Variants in RALGPS2 observed in about 807,000 individuals in gnomAD.
RALGPS2 encodes the protein Ral GEF with PH domain and SH3 binding motif 2.
A neutral mutation model predicts 86.8 loss-of-function variants in RALGPS2; 43 were observed. The observed-to-expected ratio is 0.50, with a 90% CI of 0.39 to 0.64. The LOEUF is 0.64. Among genes scored for constraint, RALGPS2 ranks in the 30% least tolerant of loss-of-function variants. The probability of loss-of-function intolerance (pLI) is 0.00; values close to 1 mark genes in which losing one functional copy is unlikely to be tolerated. For synonymous variants in RALGPS2, 243 were observed against 231.3 expected (o/e 1.05, Z -0.46); for missense variants, 536 against 694.6 (o/e 0.77, Z 2.57).
intron 6 of RALGPS2, among the ~76,000 whole-genome samples, chr1:178,812,577 A>G (rs1655032946): frequency 6.6e-6 from 1 of 152,182 alleles, no homozygotes; most frequent in Non-Finnish European, 1.5e-5. Context: ...CTGAATAGCT[A>G]TCTCAAAATA....
chr1:178,832,573 A>G (rs1656079252), intron 7 of RALGPS2, among the ~76,000 whole-genome samples: 1 of 152,120 alleles, frequency 6.6e-6, no homozygotes, highest in Non-Finnish European at 1.5e-5. Flanking sequence ...CTCATAGGAA[A>G]ATTAGGTGAG....
At chr1:178,853,835 G>T in intron 8 of RALGPS2, 1 of 1,429,524 alleles carries the variant, frequency 7.0e-7, no homozygotes, top group East Asian at 2.5e-5. Flanking sequence ...TATGAGAAGA[G>T]ACATGTTAAA....
intron 4 of RALGPS2, among the ~76,000 whole-genome samples, chr1:178,800,013 AAG>A (rs1255058240): frequency 3.9e-5 from 6 of 152,214 alleles, no homozygotes; most frequent in Non-Finnish European, 5.9e-5. Flanking sequence ...TTAGGGAGCT[AAG>A]AGTTTCAAGA....
At chr1:178,843,033 G>A (rs1260128334) in intron 8 of RALGPS2, among the ~76,000 whole-genome samples, 1 of 149,578 alleles carries the variant, frequency 6.7e-6, no homozygotes, top group Non-Finnish European at 1.5e-5. Flanking sequence ...GGAGAAATAG[G>A]AACAGTTTTA....
At chr1:178,892,120 T>C in intron 14 of RALGPS2, 110 bp from the exon 15 acceptor site, 2 of 1,009,354 alleles carry the variant, frequency 2.0e-6, no homozygotes, top group Non-Finnish European at 2.9e-6. Context: ...TTTTGTAAGA[T>C]TTAGAAAGCT....
At chr1:178,907,008 A>G in intron 19 of RALGPS2, 141 bp downstream of exon 19, 1 of 743,848 alleles carries the variant, frequency 1.3e-6, no homozygotes, top group Non-Finnish European at 2.2e-6. Context: ...AGTTAATAAG[A>G]TATGAAGGTC....
At chr1:178,844,131 C>T (rs1484249253) in intron 8 of RALGPS2, among the ~76,000 whole-genome samples, 2 of 152,102 alleles carry the variant, frequency 1.3e-5, no homozygotes, top group African/African-American at 4.8e-5. Flanking sequence ...ACTCATTATG[C>T]AAATTGGTAG....
intron 1 of RALGPS2, among the ~76,000 whole-genome samples, chr1:178,762,888 G>A (rs1397586803): frequency 6.6e-6 from 1 of 152,040 alleles, no homozygotes; most frequent in Non-Finnish European, 1.5e-5. Flanking sequence ...AGTTGCTTTT[G>A]GAGTCTTTGT....
At chr1:178,767,076 C>A (rs955567708) in intron 1 of RALGPS2, among the ~76,000 whole-genome samples, 11 of 152,118 alleles carry the variant, frequency 7.2e-5, no homozygotes, top group African/African-American at 2.7e-4. Flanking sequence ...TTGGTTCTTT[C>A]TTAAAATGAC....
intron 6 of RALGPS2, among the ~76,000 whole-genome samples, chr1:178,816,546 T>C (rs1200921873): frequency 6.6e-6 from 1 of 152,150 alleles, no homozygotes; most frequent in African/African-American, 2.4e-5. Flanking sequence ...ATGCTGTCTT[T>C]TGGTTAGTGA....
intron 1 of RALGPS2, among the ~76,000 whole-genome samples, chr1:178,735,045 A>C (rs955018131): frequency 1.3e-5 from 2 of 152,228 alleles, no homozygotes; most frequent in Admixed American, 1.3e-4. Flanking sequence ...GGGCATGTCC[A>C]TAGCAGCTTC....
chr1:178,825,017 G>A (rs1655686725), intron 7 of RALGPS2, among the ~76,000 whole-genome samples: 1 of 152,016 alleles, frequency 6.6e-6, no homozygotes, highest in Non-Finnish European at 1.5e-5. Context: ...AAGAAGAGAG[G>A]ATATAAAAGT....
In RALGPS2 at chr1:178,828,072, A is replaced by G. The variant is rs1371839700; in HGVS notation, c.481-5352A>G. On this transcript the variant is annotated intron_variant, in intron 7 of 19. Coordinates refer to ENST00000367635, the MANE Select transcript of RALGPS2 (RefSeq NM_152663.5). ...GGATCTGGACAATAATTTTTTGGCT[A>G]TGACCCCAAAAGTACAAGCAACGAA... Among the ~76,000 whole-genome samples, 6 of 152,350 alleles carry G rather than the reference A, an allele frequency of 3.9e-5. No homozygotes were observed. The East Asian group carries it at 7.7e-4, about 20-fold the overall frequency.
Position 178,848,309 on chromosome 1 carries a change from T to TA in RALGPS2, c.607+14768dup, listed in dbSNP as rs112184273. On this transcript the variant is annotated intron_variant, in intron 8 of 19. Coordinates refer to ENST00000367635, the MANE Select transcript of RALGPS2 (RefSeq NM_152663.5). ...CTGGGTGACATAGTGGGACCCTGTC[T>TA]AAAAAAAAACAAAAAGAAAAATTAA... Among the ~76,000 whole-genome samples the TA allele has an allele frequency of 6.3e-3, 946 of 150,536 alleles. 10 individuals carry two copies. Among genetic ancestry groups the TA allele is most frequent in the African/African-American group, 0.022 (886 of 41,050 alleles).
At chr1:178,850,146 C>T (rs1558148436) in intron 8 of RALGPS2, 1 of 152,662 alleles carries the variant, frequency 6.6e-6, no homozygotes, top group Non-Finnish European at 1.5e-5. Context: ...GGGAAAACAG[C>T]CAACAGTTCC....
intron 8 of RALGPS2, among the ~76,000 whole-genome samples, chr1:178,846,699 A>G (rs1656883335): frequency 6.6e-6 from 1 of 152,242 alleles, no homozygotes; most frequent in African/African-American, 2.4e-5. Flanking sequence ...AAATAAGAAC[A>G]GCAGCTATAC....
intron 8 of RALGPS2, chr1:178,850,667 A>G (rs987518400): frequency 4.6e-5 from 7 of 152,600 alleles, no homozygotes; most frequent in East Asian, 1.9e-4. Context: ...AGCATTTTCT[A>G]TTGGCAAAAC....
chr1:178,806,468 C>CTGT (rs1373420902), intron 4 of RALGPS2, among the ~76,000 whole-genome samples: 14 of 152,240 alleles, frequency 9.2e-5, no homozygotes, highest in African/African-American at 3.1e-4. Context: ...CTTAAAATTA[C>CTGT]TGTTATTCAG....
chr1:178,850,972 A>G, intron 8 of RALGPS2: 1 of 598,414 alleles, frequency 1.7e-6, no homozygotes, highest in Non-Finnish European at 2.6e-6. Flanking sequence ...AGATGAAACT[A>G]CATTTATAGG....
Sources: allele counts gnomAD v4.1 joint callset (sites outside exome capture counted in the v4.1 genomes callset), GRCh38; gene constraint gnomAD v4.1.1; transcripts MANE v1.5; gene names NCBI Gene and HGNC (gene_info 2026-07-23, HGNC 2026-07-21).